Variants in CDKN2B-AS1 observed in about 807,000 individuals in gnomAD.
The protein encoded by CDKN2B-AS1 is CDKN2B antisense RNA 1 (non-protein coding).
intron 4 of CDKN2B-AS1, among the ~76,000 whole-genome samples, chr9:22,069,482 G>A (rs1824199715): frequency 1.3e-5 from 2 of 152,092 alleles, no homozygotes; most frequent in Non-Finnish European, 2.9e-5. Context: ...ATATACGATT[G>A]TATAAGTATT....
At chr9:22,029,030 G>A (rs1455115170) in intron 1 of CDKN2B-AS1, among the ~76,000 whole-genome samples, 1 of 149,050 alleles carries the variant, frequency 6.7e-6, no homozygotes, top group Non-Finnish European at 1.5e-5. Flanking sequence ...CAAAAAGAAT[G>A]ATGATGCAAT....
At chr9:22,008,479 G>C (rs72550840) in intron 1 of CDKN2B-AS1, among the ~76,000 whole-genome samples, 17 of 152,094 alleles carry the variant, frequency 1.1e-4, no homozygotes, top group African/African-American at 3.9e-4. Context: ...GTTGAAAGCA[G>C]ACAGACAAGA....
At chr9:22,109,534 G>C (rs1825748201) in intron 4 of CDKN2B-AS1, among the ~76,000 whole-genome samples, 1 of 152,092 alleles carries the variant, frequency 6.6e-6, no homozygotes, top group African/African-American at 2.4e-5. Context: ...CCTTAGATTG[G>C]TGACTGGCTA....
chr9:22,007,840 AT>A (rs1821272913), intron 1 of CDKN2B-AS1, among the ~76,000 whole-genome samples: 1 of 152,150 alleles, frequency 6.6e-6, no homozygotes, highest in Non-Finnish European at 1.5e-5. Flanking sequence ...ACTTTACAAT[AT>A]TTTTGCTCCT....
At chr9:22,106,444 T>C (rs1355688750) in intron 4 of CDKN2B-AS1, among the ~76,000 whole-genome samples, 2 of 152,198 alleles carry the variant, frequency 1.3e-5, no homozygotes, top group African/African-American at 4.8e-5. Flanking sequence ...CTGGAACTCC[T>C]GACCTCAGGT....
intron 4 of CDKN2B-AS1, among the ~76,000 whole-genome samples, chr9:22,071,191 G>T (rs1371276807): frequency 6.8e-6 from 1 of 146,164 alleles, no homozygotes; most frequent in Non-Finnish European, 1.5e-5. Flanking sequence ...CTAATATCTA[G>T]TATGACAAAG....
At chr9:22,008,803 TCG>T (rs764016512) in intron 1 of CDKN2B-AS1, 23 of 1,605,060 alleles carry the variant, frequency 1.4e-5, no homozygotes, top group Non-Finnish European at 1.9e-5. Flanking sequence ...GCTACCTGGA[TCG>T]CGCGCCTCCC....
intron 4 of CDKN2B-AS1, among the ~76,000 whole-genome samples, chr9:22,088,311 T>C (rs1040815577): frequency 6.6e-6 from 1 of 152,166 alleles, no homozygotes; most frequent in Non-Finnish European, 1.5e-5. Context: ...GGACAAGTAA[T>C]AATTTATTAT....
intron 4 of CDKN2B-AS1, among the ~76,000 whole-genome samples, chr9:22,104,012 A>C (rs773965259): frequency 1.1e-4 from 16 of 152,230 alleles, no homozygotes; most frequent in Non-Finnish European, 2.1e-4. Context: ...AAAATGTAGA[A>C]TCTTCTCATC....
chr9:22,088,091 A>G (rs10738606), intron 4 of CDKN2B-AS1, among the ~76,000 whole-genome samples: 1 of 151,530 alleles, frequency 6.6e-6, no homozygotes, highest in Admixed American at 6.6e-5. Flanking sequence ...AATGTCATGC[A>G]GTGACTTCTA....
At chr9:22,013,358 T>G (rs150162712) in intron 1 of CDKN2B-AS1, among the ~76,000 whole-genome samples, 162 of 152,390 alleles carry the variant, frequency 1.1e-3, no homozygotes, top group African/African-American at 3.6e-3. Context: ...TAAACTGTTA[T>G]TAATAATTTA....
At chr9:22,050,786 C>T (rs1823314417) in intron 3 of CDKN2B-AS1, among the ~76,000 whole-genome samples, 1 of 152,184 alleles carries the variant, frequency 6.6e-6, no homozygotes, top group Non-Finnish European at 1.5e-5. Flanking sequence ...TGCTTCTTGC[C>T]ATGTCAATCT....
intron 4 of CDKN2B-AS1, among the ~76,000 whole-genome samples, chr9:22,083,651 A>G (rs1222117933): frequency 6.6e-6 from 1 of 152,226 alleles, no homozygotes; most frequent in Non-Finnish European, 1.5e-5. Context: ...CAGCTCGATC[A>G]GCCTATATTT....
chr9:22,017,663 A>C (rs1437394305), intron 1 of CDKN2B-AS1, among the ~76,000 whole-genome samples: 1 of 152,238 alleles, frequency 6.6e-6, no homozygotes, highest in Non-Finnish European at 1.5e-5. Flanking sequence ...TACAGTTCTC[A>C]TTTACCAGAA....
At position 22,006,335 on chromosome 9, in the gene CDKN2B-AS1, G is replaced by A; in HGVS notation, n.29+11174G>A. 6.4e-7 allele frequency: 1 copy of A among 1,557,578 alleles called. No homozygotes were observed. Among genetic ancestry groups the A allele is most frequent in the East Asian group, 2.3e-5 (1 of 43,684 alleles). On this transcript the variant is annotated intron_variant and non_coding_transcript_variant, in intron 1 of 4. Coordinates refer to ENST00000650946, the Ensembl canonical transcript of CDKN2B-AS1. The surrounding 1 kb of genome is among the most constrained non-coding windows in gnomAD (Gnocchi z 6.4). ...GGCAAGGCAGGTGGAGCCATTTAAA[G>A]AAACACCTAATTGCAAAGTTTTCAC... is the stretch of plus-strand genomic sequence containing the variant.
chr9:22,103,131 A>ATGTGTGTGTG (rs3221506), intron 4 of CDKN2B-AS1, among the ~76,000 whole-genome samples: 3,759 of 132,404 alleles, frequency 0.028, 64 homozygotes, highest in Middle Eastern at 0.05. Context: ...TCTAGAACAG[A>ATGTGTGTGTG]TGTGTGTGTG....
chr9:22,064,370 A>G (rs569093513), intron 4 of CDKN2B-AS1, among the ~76,000 whole-genome samples: 18 of 152,260 alleles, frequency 1.2e-4, no homozygotes, highest in Non-Finnish European at 2.5e-4. Flanking sequence ...AATACACAGC[A>G]TAGTGTGGGG....
chr9:22,106,052 A>G (rs184772205), intron 4 of CDKN2B-AS1, among the ~76,000 whole-genome samples: 2 of 152,100 alleles, frequency 1.3e-5, no homozygotes, highest in Non-Finnish European at 2.9e-5. Context: ...CTGGGATTAC[A>G]GGCACCTGCC....
At chr9:22,046,392 T>C (rs920155170) in intron 1 of CDKN2B-AS1, 2 of 152,054 alleles carry the variant, frequency 1.3e-5, no homozygotes, top group African/African-American at 4.8e-5. Context: ...AAGCCAGAAT[T>C]TGAGCTCATG....
Sources: gnomAD v4.1 joint callset for allele counts (sites outside exome capture counted in the v4.1 genomes callset) on GRCh38, gnomAD v4.1.1 for gene constraint, Gnocchi (gnomAD v3.1) non-coding constraint, MANE v1.5 for transcripts, NCBI Gene and HGNC (gene_info 2026-07-23, HGNC 2026-07-21) for gene names.